ZNF518B: variants seen among roughly 807,000 people sequenced by gnomAD.
ZNF518B encodes the protein zinc finger protein 518B.
ZNF518B carries 23 observed loss-of-function variants against 56.3 expected under a neutral mutation model. That is an observed-to-expected ratio of 0.41 (90% CI 0.29 to 0.58). The LOEUF (loss-of-function observed/expected upper bound fraction) is 0.58, where lower values mean the gene tolerates loss of function less well. Ranked by LOEUF, ZNF518B falls within the 20% of genes least tolerant of loss-of-function variation. ZNF518B has a pLI of 0.32. For missense variants in ZNF518B, 1,460 were observed against 1,272.1 expected, an observed-to-expected ratio of 1.15 and a Z score of -2.25; for synonymous variants, 529 against 465.9, an observed-to-expected ratio of 1.14 and a Z score of -1.74.
chr4:10,450,819 A>C (rs1162193467), intron 2 of ZNF518B: 2 of 152,236 alleles, frequency 1.3e-5, no homozygotes, highest in Admixed American at 6.5e-5. Flanking sequence ...AAGCCTCTGC[A>C]TTTGGCGTCT....
At position 10,443,044 on chromosome 4, in the gene ZNF518B, G is replaced by T; in HGVS notation, c.*60C>A. 2 of 1,427,730 alleles carry T rather than the reference G, an allele frequency of 1.4e-6. No homozygotes were observed. The highest frequency in any genetic ancestry group is 1.9e-6 in the Non-Finnish European group (2 of 1,050,638). The allele number at this position is 1,427,730 out of a possible 1,614,324, so 88.4% of individuals were successfully genotyped here. ...TGTATTTCTTCTACTGAATCTTGGT[G>T]GAGGGACTCCAAACCAGAATAAACT... On this transcript the variant is annotated 3_prime_UTR_variant, in exon 3 of 3. Coordinates refer to ENST00000326756, the MANE Select transcript of ZNF518B (RefSeq NM_053042.3).
In ZNF518B at chr4:10,444,595, CTCTG is replaced by C. The variant is rs1376302931; in HGVS notation, c.1730_1733del (p.Thr577ArgfsTer9). On this transcript the variant is annotated frameshift_variant, in exon 3 of 3. Transcript: ENST00000326756. LOFTEE classifies it high-confidence loss of function. ...CTACAGTTGAAACTGCCTTGTGTTC[CTCTG>C]TCTGGTTATCTTCCTGCTTCCTATT... The C allele has an allele frequency of 1.2e-6, 2 of 1,614,120 alleles. No individual in the cohort carries two copies. Among genetic ancestry groups the C allele is most frequent in the Non-Finnish European group, 1.7e-6 (2 of 1,180,002 alleles).
chr4:10,444,597 C>G lies in ZNF518B; in HGVS notation c.1732G>C (p.Glu578Gln), dbSNP rs1392690758. The change falls in exon 3 of 3, where the codon GAG (glutamate) becomes CAG (glutamine). Residue 578 changes from glutamate to glutamine, a missense_variant. Glu to Gln is a conservative substitution (Grantham distance 29). Transcript: ENST00000326756. ...ACAGTTGAAACTGCCTTGTGTTCCT[C>G]TGTCTGGTTATCTTCCTGCTTCCTA... ...SNRKQEDNQT[E>Q]EHKAVSTVGQ... is the part of the protein sequence containing the mutation. 1 of 1,614,166 alleles carries G rather than the reference C, an allele frequency of 6.2e-7. No individual in the cohort carries two copies. Among genetic ancestry groups the G allele is most frequent in the South Asian group, 1.1e-5 (1 of 91,086 alleles).
intron 2 of ZNF518B, chr4:10,453,400 C>G (rs931320118): frequency 7.2e-5 from 11 of 152,154 alleles, no homozygotes; most frequent in African/African-American, 2.7e-4. Context: ...CCCACCCTGT[C>G]TACAGGGAGT....
chr4:10,443,688 A>C lies in ZNF518B; in HGVS notation c.2641T>G (p.Ser881Ala), dbSNP rs200282983. The change falls in exon 3 of 3, where the codon TCC becomes GCC. Residue 881 changes from serine (S) to alanine (A), a missense_variant. By Grantham distance (99) the Ser-to-Ala change is moderately conservative (BLOSUM62 1). Transcript: ENST00000326756. ...TTTCTACTTATAGAAAGACTTCTGG[A>C]AAGCAGTCTCCCTTGCTTATTTAAT... ...SELNKQGRLL[S>A]RSLSISRNKT... is the part of the protein sequence containing the mutation. The C allele has an allele frequency of 9.5e-5, 153 of 1,613,998 alleles. 1 individual carries two copies. The highest frequency in any genetic ancestry group is 6.6e-4 in the Middle Eastern group (4 of 6,082).
At chr4:10,455,047 CAG>C (rs1715471622) in intron 1 of ZNF518B, 59 bp from the exon 2 acceptor site, 1 of 152,352 alleles carries the variant, frequency 6.6e-6, no homozygotes, top group African/African-American at 2.4e-5. Context: ...CTTGGTTTCT[CAG>C]AGTGTTGAAG....
rs748229100 is a variant in ZNF518B, at chr4:10,446,182, C to T, written c.147G>A (p.Glu49=). 6.2e-7 allele frequency: 1 copy of T among 1,614,188 alleles called. No homozygotes were observed. The highest frequency in any genetic ancestry group is 1.3e-5 in the African/African-American group (1 of 75,052). ...CAATGGTCATCATGGCAGCCTCTGC[C>T]TCTGAGCCTTGATACAAAAGGGTTT... The part of the protein sequence containing the change: ...EAQTLLYQGS[E]AEAAMMTIAT... The change falls in exon 3 of 3, where the codon GAG becomes GAA. Residue 49 remains glutamate, a synonymous_variant. Coordinates refer to ENST00000326756, the MANE Select transcript of ZNF518B (RefSeq NM_053042.3).
Position 10,444,535 on chromosome 4 carries a change from T to C in ZNF518B, c.1794A>G (p.Leu598=), listed in dbSNP as rs1318443532. 2 of 1,614,032 alleles carry C rather than the reference T, an allele frequency of 1.2e-6. No homozygotes were observed. Among genetic ancestry groups the C allele is most frequent in the East Asian group, 4.5e-5 (2 of 44,902 alleles). ...TATCTTCTCCAGTTATGTTTATATG[T>C]AAATACTCACTCTTATGTTGAGAGG... ...QISSQHKSEY[L]HINITGEDRS... The change falls in exon 3 of 3, where the codon TTA becomes TTG. Residue 598 remains leucine (L), a synonymous_variant. Transcript: ENST00000326756.
intron 1 of ZNF518B, among the ~76,000 whole-genome samples, chr4:10,456,860 G>A (rs953417435): frequency 6.6e-6 from 1 of 152,108 alleles, no homozygotes; most frequent in African/African-American, 2.4e-5. Flanking sequence ...CTCGGAGGAG[G>A]CATCCTTCAT....
upstream of ZNF518B, among the ~76,000 whole-genome samples, chr4:10,460,537 G>A (rs1044138994): frequency 1.3e-5 from 2 of 152,214 alleles, no homozygotes; most frequent in South Asian, 4.2e-4. Context: ...GAACAGGGGA[G>A]AGGAGAGCAT....
chr4:10,442,958 C>G lies in ZNF518B; in HGVS notation c.*146G>C, dbSNP rs1339054404. On this transcript the variant is annotated 3_prime_UTR_variant, in exon 3 of 3. Coordinates refer to ENST00000326756, the MANE Select transcript of ZNF518B (RefSeq NM_053042.3). ...TCCAATCACATACTTCAGGTTCAGA[C>G]TCCTAGCTCCCAATATTCCTACAGT... 1 of 729,278 alleles carries G rather than the reference C, an allele frequency of 1.4e-6. No individual in the cohort carries two copies. Among genetic ancestry groups the G allele is most frequent in the African/African-American group, 1.8e-5 (1 of 56,562 alleles). 45.2% of individuals were successfully genotyped at this position (729,278 alleles called of 1,614,324 possible). A position where few individuals can be genotyped will look rare whatever the true frequency, so the allele number is the denominator to read the frequency against.
At position 10,445,969 on chromosome 4, in the gene ZNF518B, A is replaced by G. The variant is rs1434860393; in HGVS notation, c.360T>C (p.Ser120=). The G allele has an allele frequency of 5.0e-6, 8 of 1,614,256 alleles. No homozygotes were observed. Among genetic ancestry groups the G allele is most frequent in the Non-Finnish European group, 6.8e-6 (8 of 1,180,050 alleles). The change falls in exon 3 of 3, where the codon TCT becomes TCC. Residue 120 remains serine, a synonymous_variant. Coordinates refer to ENST00000326756, the MANE Select transcript of ZNF518B (RefSeq NM_053042.3). ...VGNKTENFSS[S]VNSKFKVRNF... ...TCCTTACCTTAAATTTGCTATTGACAGAACTTGAGAAGTTTTCAGTTTTAT... is the reference window on the plus strand; with the variant it reads ...TCCTTACCTTAAATTTGCTATTGACGGAACTTGAGAAGTTTTCAGTTTTAT...
chr4:10,451,545 T>C (rs1191621601), intron 2 of ZNF518B: 6 of 152,190 alleles, frequency 3.9e-5, no homozygotes, highest in Admixed American at 3.9e-4. Context: ...CTGTTAAAAA[T>C]ATTATTTTCC....
chr4:10,444,222 T>A lies in ZNF518B; in HGVS notation c.2107A>T (p.Thr703Ser), dbSNP rs772440691. 6.2e-7 allele frequency: 1 copy of A among 1,614,206 alleles called. No homozygotes were observed. The highest frequency in any genetic ancestry group is 1.1e-5 in the South Asian group (1 of 91,086). Residue 703 changes from threonine to serine, a missense_variant, in exon 3 of 3, where the codon ACC becomes TCC. Thr to Ser is a moderately conservative substitution (Grantham distance 58). Transcript: ENST00000326756. ...TTGATTTCTTGAATACCTTCAGAGG[T>A]AGCTTTTGAAGTTCCCTTTGATGCC... is the stretch of plus-strand genomic sequence containing the variant. ...GQASKGTSKATSEGIQEINVS... is the reference protein window; with the variant it reads ...GQASKGTSKASSEGIQEINVS...
Position 10,442,914 on chromosome 4 carries a change from C to T in ZNF518B, c.*190G>A, listed in dbSNP as rs112070873. ...CAATTTGCATGTACAATTTCAGAGC[C>T]TTCAAATACATTCTGGGGTCCAATC... On this transcript the variant is annotated 3_prime_UTR_variant, in exon 3 of 3. Coordinates refer to ENST00000326756, the MANE Select transcript of ZNF518B (RefSeq NM_053042.3). 1.2e-5 allele frequency: 7 copies of T among 563,496 alleles called. No individual in the cohort carries two copies. The highest frequency in any genetic ancestry group is 9.3e-5 in the African/African-American group (5 of 53,648). 34.9% of individuals were successfully genotyped at this position (563,496 alleles called of 1,614,324 possible).
At position 10,446,229 on chromosome 4, in the gene ZNF518B, G is replaced by A. The variant is rs138205888; in HGVS notation, c.100C>T (p.Arg34Trp). 78 of 1,614,066 alleles carry A rather than the reference G, an allele frequency of 4.8e-5. No homozygotes were observed. Among genetic ancestry groups the A allele is most frequent in the Non-Finnish European group, 1.9e-5 (23 of 1,180,042 alleles). The change falls in exon 3 of 3, where the codon CGG becomes TGG. Residue 34 changes from arginine to tryptophan, a missense_variant. By Grantham distance (101) the Arg-to-Trp change is moderately radical. Transcript: ENST00000326756. Reference sequence around the variant, plus strand: ...GTTTGTGCTTCTTGTCTATTTGGCCGAGGTGCTCCATTAGCATCAGGCTGT... The same window carrying A: ...GTTTGTGCTTCTTGTCTATTTGGCCAAGGTGCTCCATTAGCATCAGGCTGT... Reference protein sequence around the residue: ...PKQPDANGAPRPNRQEAQTLL... With the variant: ...PKQPDANGAPWPNRQEAQTLL...
chr4:10,453,000 G>A (rs1166837367), intron 2 of ZNF518B: 1 of 152,240 alleles, frequency 6.6e-6, no homozygotes, highest in South Asian at 2.1e-4. Context: ...GCAGCTGAGT[G>A]TAACACAGTA....
Position 10,446,419 on chromosome 4 carries a change from A to G in ZNF518B, c.-91T>C, listed in dbSNP as rs974096698. 4.8e-6 allele frequency: 6 copies of G among 1,256,124 alleles called. No individual in the cohort carries two copies. The highest frequency in any genetic ancestry group is 4.2e-5 in the Admixed American group (2 of 47,502). 77.8% of individuals were successfully genotyped at this position (1,256,124 alleles called of 1,614,324 possible). On this transcript the variant is annotated 5_prime_UTR_variant, in exon 3 of 3. Coordinates refer to ENST00000326756, the MANE Select transcript of ZNF518B (RefSeq NM_053042.3). ...GAGATATCCTTCTATACAGTTTGTG[A>G]TGGGTAGGGGCGCAGCTACTTCTTG...
upstream of ZNF518B, among the ~76,000 whole-genome samples, chr4:10,460,066 A>G (rs1715695316): frequency 6.6e-6 from 1 of 152,012 alleles, no homozygotes; most frequent in African/African-American, 2.4e-5. Flanking sequence ...GCACTTTGGG[A>G]GGCCGAGGCG....
Sources: gnomAD v4.1 joint callset for allele counts (sites outside exome capture counted in the v4.1 genomes callset) on GRCh38, gnomAD v4.1.1 for gene constraint, MANE v1.5 for transcripts, NCBI Gene and HGNC (gene_info 2026-07-23, HGNC 2026-07-21) for gene names.